Variants in ANKRD28 observed in about 807,000 individuals in gnomAD.
ANKRD28 encodes serine/threonine-protein phosphatase 6 regulatory ankyrin repeat subunit A.
Under a neutral mutation model 126.5 loss-of-function variants are expected in ANKRD28, and 44 were observed. The ratio of observed to expected loss-of-function variants is 0.35; its 90% confidence interval spans 0.27 to 0.45. ANKRD28 has a LOEUF of 0.45. ANKRD28 is among the 20% of genes least tolerant of loss of function. The probability of loss-of-function intolerance (pLI) is 1.00; values close to 1 mark genes in which losing one functional copy is unlikely to be tolerated. For missense variants in ANKRD28, 1,110 were observed against 1,316.6 expected (o/e 0.84, Z 2.43); for synonymous variants, 442 against 468.5 (o/e 0.94, Z 0.73).
intron 2 of ANKRD28, among the ~76,000 whole-genome samples, chr3:15,784,884 C>T (rs1323362524): frequency 6.6e-6 from 1 of 152,036 alleles, no homozygotes; most frequent in East Asian, 1.9e-4. Context: ...AACAATTCCA[C>T]TGGCAGAATC....
chr3:15,798,272 C>T, upstream of ANKRD28: 1 of 585,832 alleles, frequency 1.7e-6, no homozygotes, highest in African/African-American at 2.0e-5. Flanking sequence ...ATGACAGTTG[C>T]AGTAAGAATA....
intron 1 of ANKRD28, among the ~76,000 whole-genome samples, chr3:15,811,126 A>C (rs1234478386): frequency 1.3e-5 from 2 of 152,228 alleles, no homozygotes; most frequent in African/African-American, 2.4e-5. Context: ...AAATAACAGC[A>C]CACCAGACTG....
chr3:15,718,897 G>A (rs866455579), intron 8 of ANKRD28, among the ~76,000 whole-genome samples: 1 of 151,946 alleles, frequency 6.6e-6, no homozygotes, highest in Non-Finnish European at 1.5e-5. Context: ...ACATTACTGC[G>A]CCTTTGAGGA....
intron 13 of ANKRD28, among the ~76,000 whole-genome samples, chr3:15,708,448 T>C (rs2071763052): frequency 6.6e-6 from 1 of 152,060 alleles, no homozygotes; most frequent in South Asian, 2.1e-4. Flanking sequence ...CAATTTCTAT[T>C]CATGTCTCAG....
At chr3:15,728,262 A>G (rs1178633579) in intron 6 of ANKRD28, among the ~76,000 whole-genome samples, 1 of 151,788 alleles carries the variant, frequency 6.6e-6, no homozygotes, top group Non-Finnish European at 1.5e-5. Flanking sequence ...TGCACACTTA[A>G]TAGACTATAG....
chr3:15,797,083 T>G lies in ANKRD28; in HGVS notation c.-562A>C. The G allele has an allele frequency of 1.0e-6, 1 of 985,320 alleles. No individual in the cohort carries two copies. Among genetic ancestry groups the G allele is most frequent in the Non-Finnish European group, 1.2e-6 (1 of 829,902 alleles). The allele number at this position is 985,320 out of a possible 1,614,324, so 61.0% of individuals were successfully genotyped here. ...TCCACTTCTAATTTGTCTTCATTTC[T>G]TCATCACTGGTTTAATGCAGATACT... On this transcript the variant is annotated 5_prime_UTR_variant, in exon 1 of 28. Coordinates refer to ENST00000683139, the MANE Select transcript of ANKRD28 (RefSeq NM_001349278.2).
At chr3:15,824,596 C>A (rs934662743) in intron 1 of ANKRD28, among the ~76,000 whole-genome samples, 2 of 152,192 alleles carry the variant, frequency 1.3e-5, no homozygotes, top group Admixed American at 6.5e-5. Context: ...GAAAGCAATT[C>A]TATTTAGCAT....
At chr3:15,849,983 G>C (rs2061603447) in intron 1 of ANKRD28, among the ~76,000 whole-genome samples, 1 of 151,584 alleles carries the variant, frequency 6.6e-6, no homozygotes, top group Non-Finnish European at 1.5e-5. Flanking sequence ...CTCTGACTCT[G>C]TACACTACAA....
At chr3:15,755,412 T>C (rs567732219) in intron 3 of ANKRD28, among the ~76,000 whole-genome samples, 26 of 152,302 alleles carry the variant, frequency 1.7e-4, no homozygotes, top group African/African-American at 6.0e-4. Context: ...TAGCAGCACA[T>C]TTCAGATGGT....
At chr3:15,789,467 A>G (rs935682419) in intron 2 of ANKRD28, among the ~76,000 whole-genome samples, 1 of 151,942 alleles carries the variant, frequency 6.6e-6, no homozygotes, top group Admixed American at 6.6e-5. Context: ...AGAAAAGAAA[A>G]TGTACAGGAG....
intron 4 of ANKRD28, among the ~76,000 whole-genome samples, chr3:15,750,975 T>C (rs2057821528): frequency 6.6e-6 from 1 of 152,072 alleles, no homozygotes; most frequent in African/African-American, 2.4e-5. Flanking sequence ...AATGGGTACT[T>C]TGGACACAAT....
intron 1 of ANKRD28, among the ~76,000 whole-genome samples, chr3:15,834,689 C>G (rs955527258): frequency 7.2e-5 from 11 of 152,062 alleles, no homozygotes; most frequent in African/African-American, 2.4e-5. Flanking sequence ...AAACTGGTAG[C>G]AAAACCCAGG....
chr3:15,786,989 T>C (rs1054834454), intron 2 of ANKRD28, among the ~76,000 whole-genome samples: 5 of 152,142 alleles, frequency 3.3e-5, no homozygotes, highest in Non-Finnish European at 7.4e-5. Flanking sequence ...GAATTTTTGT[T>C]AACTTGATGA....
intron 2 of ANKRD28, among the ~76,000 whole-genome samples, chr3:15,783,325 G>A (rs566386860): frequency 7.8e-4 from 118 of 152,036 alleles, no homozygotes; most frequent in Middle Eastern, 3.4e-3. Flanking sequence ...ACCAAATTGA[G>A]ATATTACTAT....
chr3:15,785,083 G>T (rs1354994897), intron 2 of ANKRD28, among the ~76,000 whole-genome samples: 1 of 152,038 alleles, frequency 6.6e-6, no homozygotes, highest in East Asian at 1.9e-4. Context: ...AGGTACCTGT[G>T]CCCAAACTAT....
intron 6 of ANKRD28, chr3:15,731,876 G>GAAA (rs1559425875): frequency 0.028 from 1,783 of 64,602 alleles, 25 homozygotes; most frequent in Non-Finnish European, 0.034. Flanking sequence ...AAAAAAAAAG[G>GAAA]GGGGGGGGGT....
At chr3:15,684,161 T>C (rs2067849085) in intron 21 of ANKRD28, 1 of 152,242 alleles carries the variant, frequency 6.6e-6, no homozygotes, top group Non-Finnish European at 1.5e-5. Context: ...ATAATGTACT[T>C]GAGTTTTCTA....
Position 15,677,478 on chromosome 3 carries a change from A to C in ANKRD28, c.2790+2T>G. On this transcript the variant is annotated splice_donor_variant, in intron 25 of 27. Transcript: ENST00000683139. LOFTEE classifies it high-confidence loss of function. ...AAACATATTCTTAAGATGTATACAT[A>C]CCTTGCTACAAGCCAAATGGAGGGC... 6.2e-7 allele frequency: 1 copy of C among 1,604,538 alleles called. No homozygotes were observed. The highest frequency in any genetic ancestry group is 8.5e-7 in the Non-Finnish European group (1 of 1,171,550).
At chr3:15,695,901 G>A (rs1165052102) in intron 15 of ANKRD28, among the ~76,000 whole-genome samples, 1 of 152,030 alleles carries the variant, frequency 6.6e-6, no homozygotes, top group Non-Finnish European at 1.5e-5. Context: ...GTGTAGACAT[G>A]AACATGGGGT....
Sources: gnomAD v4.1 joint callset for allele counts (sites outside exome capture counted in the v4.1 genomes callset) on GRCh38, gnomAD v4.1.1 for gene constraint, MANE v1.5 for transcripts, NCBI Gene and HGNC (gene_info 2026-07-23, HGNC 2026-07-21) for gene names.